WDR4: variants seen among roughly 807,000 people sequenced by gnomAD.
WDR4 encodes WDR4 tRNA N7-guanosine methyltransferase non-catalytic subunit.
A neutral mutation model predicts 48.6 loss-of-function variants in WDR4; 47 were observed. The observed-to-expected ratio is 0.97, with a 90% CI of 0.77 to 1.23. WDR4 has a LOEUF of 1.23. WDR4 is among the 50% of genes most tolerant of loss of function. The probability of loss-of-function intolerance (pLI) is 0.00; values close to 1 mark genes in which losing one functional copy is unlikely to be tolerated. For missense variants in WDR4, 606 were observed against 551.6 expected (o/e 1.10, Z -0.99); for synonymous variants, 268 against 230.0 (o/e 1.17, Z -1.49).
chr21:42,868,010 C>T (rs1308348912), intron 3 of WDR4, among the ~76,000 whole-genome samples: 3 of 152,176 alleles, frequency 2.0e-5, no homozygotes, highest in Non-Finnish European at 4.4e-5. Context: ...CAGCCTGCAG[C>T]GGTATCTGCA....
intron 1 of WDR4, 199 bp downstream of exon 1, chr21:42,879,208 C>T: frequency 7.6e-7 from 1 of 1,317,412 alleles, no homozygotes; most frequent in Non-Finnish European, 9.7e-7. Context: ...ACGCCGAGAG[C>T]GGACGGCGAA....
chr21:42,852,131 A>G (rs921700030), intron 10 of WDR4, 124 bp downstream of exon 10: 1 of 1,014,692 alleles, frequency 9.9e-7, no homozygotes, highest in African/African-American at 1.6e-5. Context: ...ATGGGGACAC[A>G]CGCTTACTCT....
At chr21:42,876,346 C>G (rs903934896) in intron 2 of WDR4, among the ~76,000 whole-genome samples, 1 of 151,370 alleles carries the variant, frequency 6.6e-6, no homozygotes, top group Admixed American at 6.6e-5. Flanking sequence ...CCCAAGTAGA[C>G]GGGATTACAG....
chr21:42,891,000 C>T, the WDR4 span, among the ~76,000 whole-genome samples: 1 of 152,114 alleles, frequency 6.6e-6, no homozygotes, highest in South Asian at 2.1e-4. Context: ...CCCTAGTTAC[C>T]TTTCGAGGCC....
intron 3 of WDR4, among the ~76,000 whole-genome samples, chr21:42,870,642 A>T (rs772689951): frequency 6.6e-6 from 1 of 152,144 alleles, no homozygotes; most frequent in South Asian, 2.1e-4. Flanking sequence ...ACAAAAAATT[A>T]GCCAGACGTG....
At chr21:42,876,907 C>T in intron 1 of WDR4, 140 bp from the exon 2 acceptor site, 2 of 644,730 alleles carry the variant, frequency 3.1e-6, no homozygotes, top group Non-Finnish European at 5.0e-6. Context: ...CAACCTCCGC[C>T]TCCCAGGTTC....
In WDR4 at chr21:42,862,035, T is replaced by C. The variant is rs1360813507; in HGVS notation, c.566+247A>G. ...CAGGGGTTTCCCGGAAACAAGCCCT[T>C]CCTGTTCGGTCAGGCCCAATGCCAA... is the stretch of plus-strand genomic sequence containing the variant. On this transcript the variant is annotated intron_variant, in intron 5 of 10. Coordinates refer to ENST00000398208, the MANE Select transcript of WDR4 (RefSeq NM_018669.6). The surrounding 1 kb of genome is among the most constrained non-coding windows in gnomAD (Gnocchi z 4.3). Among the ~76,000 whole-genome samples, 1 of 152,234 alleles carries C rather than the reference T, an allele frequency of 6.6e-6. No homozygotes were observed. Among genetic ancestry groups the C allele is most frequent in the Middle Eastern group, 3.4e-3 (1 of 294 alleles).
chr21:42,864,491 G>A (rs1462957442), intron 3 of WDR4, among the ~76,000 whole-genome samples: 4 of 152,146 alleles, frequency 2.6e-5, no homozygotes, highest in Non-Finnish European at 4.4e-5. Flanking sequence ...CCACCCTCAG[G>A]GCAGGACCCA....
rs1601174960 is a variant in WDR4, at chr21:42,873,432, G to A, written c.296+119C>T. 2.8e-6 allele frequency: 4 copies of A among 1,416,198 alleles called. No homozygotes were observed. The East Asian group carries it at 9.2e-5, about 32-fold the overall frequency. 87.7% of individuals were successfully genotyped at this position (1,416,198 alleles called of 1,614,324 possible). ...TGAAAGTGGTGTCTGGCACTGAACT[G>A]CGGCTCCGTGTCAACCACTTATCAC... On this transcript the variant is annotated intron_variant, in intron 3 of 10. Transcript: ENST00000398208.
rs369315954 is a variant in WDR4 at position 42,862,027 on chromosome 21, C to T, written c.566+255G>A. 2.0e-5 allele frequency among the ~76,000 whole-genome samples: 3 copies of T among 152,234 alleles called. No homozygotes were observed. Among genetic ancestry groups the T allele is most frequent in the South Asian group, 2.1e-4 (1 of 4,834 alleles). On this transcript the variant is annotated intron_variant, in intron 5 of 10. Transcript: ENST00000398208. The surrounding 1 kb of genome is among the most constrained non-coding windows in gnomAD (Gnocchi z 4.3). ...CACTGAGACAGGGGTTTCCCGGAAA[C>T]AAGCCCTTCCTGTTCGGTCAGGCCC...
intron 1 of WDR4, among the ~76,000 whole-genome samples, chr21:42,878,186 T>TAA (rs1322396385): frequency 6.6e-6 from 1 of 152,180 alleles, no homozygotes; most frequent in Non-Finnish European, 1.5e-5. Flanking sequence ...CCCAGGCACT[T>TAA]ACCAACATAA....
Position 42,863,426 on chromosome 21 carries a change from C to A in WDR4, c.453+14G>T. The A allele has an allele frequency of 1.2e-6, 2 of 1,602,492 alleles. No homozygotes were observed. Among genetic ancestry groups the A allele is most frequent in the South Asian group, 1.1e-5 (1 of 90,506 alleles). ...CACCTGCCATGTCCCCCACCTACCA[C>A]GTCCCCCACCTACCACATCTAACAG... On this transcript the variant is annotated intron_variant, in intron 4 of 10. Transcript: ENST00000398208.
At chr21:42,858,617 A>G (rs1351839347) in intron 6 of WDR4, among the ~76,000 whole-genome samples, 1 of 152,198 alleles carries the variant, frequency 6.6e-6, no homozygotes. Context: ...TGAGGGACAG[A>G]TGGGGCCTGG....
chr21:42,867,709 T>C (rs933824864), intron 3 of WDR4, among the ~76,000 whole-genome samples: 4 of 152,086 alleles, frequency 2.6e-5, no homozygotes, highest in African/African-American at 9.7e-5. Flanking sequence ...CTAGATGCAC[T>C]GCCCACTCTT....
At chr21:42,848,529 G>A (rs1489178488), downstream of WDR4, among the ~76,000 whole-genome samples, 2 of 49,528 alleles carry the variant, frequency 4.0e-5, no homozygotes, top group African/African-American at 1.4e-4. Flanking sequence ...CACAGCACAC[G>A]ATCACGCGGC....
At chr21:42,871,340 C>A (rs756099485) in intron 3 of WDR4, among the ~76,000 whole-genome samples, 1 of 152,234 alleles carries the variant, frequency 6.6e-6, no homozygotes, top group South Asian at 2.1e-4. Flanking sequence ...AGGTGAAAAC[C>A]TGTCCATCCC....
intron 5 of WDR4, among the ~76,000 whole-genome samples, chr21:42,860,586 G>C (rs2058090790): frequency 6.6e-6 from 1 of 152,224 alleles, no homozygotes; most frequent in South Asian, 2.1e-4. Context: ...CATCGCGTGA[G>C]CCGGGCCCGG....
At chr21:42,882,127 T>G (rs1270623110), upstream of WDR4, among the ~76,000 whole-genome samples, 1 of 151,712 alleles carries the variant, frequency 6.6e-6, no homozygotes, top group Non-Finnish European at 1.5e-5. Flanking sequence ...ACTCCTGACC[T>G]CAGGTGATCT....
chr21:42,868,139 C>T (rs1032829286), intron 3 of WDR4, among the ~76,000 whole-genome samples: 7 of 152,162 alleles, frequency 4.6e-5, no homozygotes, highest in Non-Finnish European at 1.0e-4. Flanking sequence ...TCCTCTGGGC[C>T]ATGCACGATG....
Sources: gnomAD v4.1 joint callset for allele counts (sites outside exome capture counted in the v4.1 genomes callset) on GRCh38, gnomAD v4.1.1 for gene constraint, Gnocchi (gnomAD v3.1) non-coding constraint, MANE v1.5 for transcripts, NCBI Gene and HGNC (gene_info 2026-07-23, HGNC 2026-07-21) for gene names.